STXBP2: variants seen among roughly 807,000 people sequenced by gnomAD.
The protein encoded by STXBP2 is syntaxin binding protein 2.
Under a neutral mutation model 72.2 loss-of-function variants are expected in STXBP2, and 47 were observed. The observed-to-expected ratio is 0.65, with a 90% CI of 0.51 to 0.83. The LOEUF is 0.83. STXBP2 is among the 40% of genes least tolerant of loss of function. STXBP2 has a pLI of 0.00. For synonymous variants in STXBP2, 367 were observed against 338.7 expected (o/e 1.08, Z -0.92); for missense variants, 702 against 807.6 (o/e 0.87, Z 1.58).
chr19:7,644,094 G>A (rs1304412338), intron 13 of STXBP2, among the ~76,000 whole-genome samples: 26 of 135,268 alleles, frequency 1.9e-4, no homozygotes, highest in East Asian at 9.5e-4. Context: ...TGGAGAGCTG[G>A]GACCTGGGTG....
At chr19:7,646,743 G>A (rs794075) in intron 16 of STXBP2, 81,500 of 378,434 alleles carry the variant, frequency 0.22, 9,332 homozygotes, top group Non-Finnish European at 0.25. Flanking sequence ...CTCTTTCTGC[G>A]TGGGGGCCAG....
At chr19:7,644,779 A>G (rs982706051) in intron 14 of STXBP2, 27 bp downstream of exon 14, 1 of 1,613,276 alleles carries the variant, frequency 6.2e-7, no homozygotes, top group African/African-American at 1.3e-5. Context: ...GGGAGTTGGA[A>G]CGTCCCCATT....
At chr19:7,632,330 A>G, upstream of STXBP2, 2 of 1,597,916 alleles carry the variant, frequency 1.3e-6, no homozygotes, top group Non-Finnish European at 1.7e-6. The surrounding 1 kb of genome is among the most constrained non-coding windows in gnomAD (Gnocchi z 5.2). Context: ...GCTGGGGTGG[A>G]GGGCAGGATC....
At chr19:7,637,747 C>T (rs2031612069) in intron 1 of STXBP2, among the ~76,000 whole-genome samples, 1 of 152,182 alleles carries the variant, frequency 6.6e-6, no homozygotes, top group African/African-American at 2.4e-5. Context: ...GGCGCCTCTT[C>T]CTCCACCCCG....
chr19:7,639,994 G>C, intron 4 of STXBP2, 187 bp downstream of exon 4: 1 of 699,348 alleles, frequency 1.4e-6, no homozygotes, highest in Non-Finnish European at 2.5e-6. Flanking sequence ...GTGTTTGCAT[G>C]TGTGTCTATG....
chr19:7,639,133 T>G, intron 3 of STXBP2, 33 bp downstream of exon 3: 1 of 1,608,666 alleles, frequency 6.2e-7, no homozygotes, highest in Non-Finnish European at 8.5e-7. Flanking sequence ...AGATGGGACC[T>G]GAGCGTGGGA....
chr19:7,631,690 C>T, the STXBP2 span: 115 of 1,454,296 alleles, frequency 7.9e-5, no homozygotes, highest in Non-Finnish European at 8.8e-5. Context: ...CTCAGGCCCT[C>T]AGGGGGCTTG....
At chr19:7,639,259 A>G in intron 3 of STXBP2, 159 bp downstream of exon 3, 1 of 813,638 alleles carries the variant, frequency 1.2e-6, no homozygotes, top group Non-Finnish European at 2.1e-6. Context: ...CATGTGACCA[A>G]ATCCATTCTT....
intron 4 of STXBP2, chr19:7,640,025 CATGTGT>C (rs1376403172): frequency 1.5e-5 from 10 of 652,414 alleles, no homozygotes; most frequent in South Asian, 4.5e-5. Context: ...TGTGCATGTG[CATGTGT>C]GTGCGTCTGT....
chr19:7,639,861 T>G (rs1214645708), intron 4 of STXBP2, 54 bp downstream of exon 4: 1 of 1,534,868 alleles, frequency 6.5e-7, no homozygotes, highest in South Asian at 1.1e-5. Context: ...TACATGTGCA[T>G]GTGTGTGTAT....
At position 7,642,616 on chromosome 19, in the gene STXBP2, C is replaced by T; in HGVS notation, c.902+80C>T. ...GCGGCCTTGGGATCCCTGGCTGCTG[C>T]CAAGTCTTTGGCCCTCATGAGCACC... On this transcript the variant is annotated intron_variant, in intron 10 of 18. Coordinates refer to ENST00000221283, the MANE Select transcript of STXBP2 (RefSeq NM_006949.4). The surrounding 1 kb of genome is among the most constrained non-coding windows in gnomAD (Gnocchi z 6.0). 1 of 1,567,146 alleles carries T rather than the reference C, an allele frequency of 6.4e-7. No homozygotes were observed. Among genetic ancestry groups the T allele is most frequent in the Non-Finnish European group, 8.8e-7 (1 of 1,138,790 alleles).
upstream of STXBP2, among the ~76,000 whole-genome samples, chr19:7,634,926 C>T (rs577082555): frequency 2.0e-5 from 3 of 152,190 alleles, no homozygotes; most frequent in African/African-American, 7.2e-5. Flanking sequence ...CCCCACCCCC[C>T]CAACCACCTA....
rs374885065 is a variant in STXBP2 at position 7,643,110 on chromosome 19, G to A, written c.1027-55G>A. 7.3e-4 allele frequency: 1,175 copies of A among 1,613,862 alleles called. 1 individual carries two copies. Among genetic ancestry groups the A allele is most frequent in the Non-Finnish European group, 9.2e-4 (1,090 of 1,179,886 alleles). On this transcript the variant is annotated intron_variant, in intron 12 of 18. Coordinates refer to ENST00000221283, the MANE Select transcript of STXBP2 (RefSeq NM_006949.4). Reference sequence around the variant, plus strand: ...CCCCTCAACCCCATGCTCTGTCTGCGTTCTGCCTTGACTCAGCCTTTGTTA... The same window carrying A: ...CCCCTCAACCCCATGCTCTGTCTGCATTCTGCCTTGACTCAGCCTTTGTTA...
rs201407516 is a variant in STXBP2, at chr19:7,644,634, C to A, written c.1128C>A (p.Asp376Glu). The A allele has an allele frequency of 6.2e-7, 1 of 1,613,072 alleles. No individual in the cohort carries two copies. Among genetic ancestry groups the A allele is most frequent in the Non-Finnish European group, 8.5e-7 (1 of 1,179,806 alleles). ...SVEQDLAMGS[D>E]AEGEKIKDSM... ...CGCAGGACCTGGCCATGGGCTCCGA[C>A]GCAGAGGGGGAGAAGATCAAGGACT... The change falls in exon 14 of 19, where the codon GAC becomes GAA. Residue 376 changes from aspartate (D) to glutamate (E), a missense_variant. By Grantham distance (45) the Asp-to-Glu change is conservative. Transcript: ENST00000221283.
chr19:7,644,321 T>C (rs2032041488), intron 13 of STXBP2: 5 of 456,234 alleles, frequency 1.1e-5, no homozygotes, highest in Non-Finnish European at 1.6e-5. Flanking sequence ...GGGTGGAGCC[T>C]TGGAGAGCTG....
the STXBP2 span, chr19:7,631,081 G>A: frequency 8.2e-6 from 6 of 730,268 alleles, no homozygotes; most frequent in South Asian, 1.9e-5. Context: ...GGTGGCAGGC[G>A]CCTATAATTC....
chr19:7,646,388 G>A, intron 16 of STXBP2, 44 bp downstream of exon 16: 1 of 1,545,016 alleles, frequency 6.5e-7, no homozygotes, highest in Non-Finnish European at 8.8e-7. Context: ...CTCCGCATCG[G>A]CTGGCGGCTC....
At chr19:7,646,970 T>A (rs1199709072) in intron 16 of STXBP2, 192 bp from the exon 17 acceptor site, 1 of 611,894 alleles carries the variant, frequency 1.6e-6, no homozygotes, top group Non-Finnish European at 2.9e-6. Flanking sequence ...GGGTCCCCAG[T>A]GAGTTATGGA....
intron 15 of STXBP2, 25 bp from the exon 16 acceptor site, chr19:7,646,224 G>C (rs1294893677): frequency 6.4e-7 from 1 of 1,574,354 alleles, no homozygotes; most frequent in Admixed American, 1.9e-5. Context: ...CAATCCCCCT[G>C]CTGCCCTCCC....
Sources: allele counts gnomAD v4.1 joint callset (sites outside exome capture counted in the v4.1 genomes callset), GRCh38; gene constraint gnomAD v4.1.1; non-coding constraint Gnocchi (gnomAD v3.1); transcripts MANE v1.5; gene names NCBI Gene and HGNC (gene_info 2026-07-23, HGNC 2026-07-21).